ETV3: variants seen among roughly 807,000 people sequenced by gnomAD.
ETV3 encodes the protein ETS variant transcription factor 3.
ETV3 carries 8 observed loss-of-function variants against 33.0 expected under a neutral mutation model. The observed-to-expected ratio is 0.24, with a 90% CI of 0.14 to 0.44. The LOEUF (loss-of-function observed/expected upper bound fraction) is 0.44. Among genes scored for constraint, ETV3 ranks in the 20% least tolerant of loss-of-function variants. The probability of loss-of-function intolerance (pLI) is 1.00; values close to 1 mark genes in which losing one functional copy is unlikely to be tolerated. For synonymous variants in ETV3, 222 were observed against 238.9 expected (o/e 0.93, Z 0.65); for missense variants, 473 against 652.3 (o/e 0.73, Z 2.99).
At chr1:157,127,117 G>A (rs1351563505) in intron 4 of ETV3, among the ~76,000 whole-genome samples, 4 of 152,326 alleles carry the variant, frequency 2.6e-5, no homozygotes, top group East Asian at 1.9e-4. Context: ...CCGCTTCGCC[G>A]CATATAAAAA....
intron 4 of ETV3, among the ~76,000 whole-genome samples, chr1:157,129,915 C>T (rs1674929744): frequency 6.6e-6 from 1 of 152,062 alleles, no homozygotes; most frequent in Admixed American, 6.6e-5. Context: ...ACCATCTCAG[C>T]TCACTGCAAC....
At chr1:157,127,689 G>A (rs966332606) in intron 4 of ETV3, among the ~76,000 whole-genome samples, 1 of 152,086 alleles carries the variant, frequency 6.6e-6, no homozygotes, top group Non-Finnish European at 1.5e-5. Flanking sequence ...GGGATTACAG[G>A]TGTGTGCTAC....
At chr1:157,134,355 G>A (rs1675044131) in intron 3 of ETV3, 128 bp from the exon 4 acceptor site, 10 of 1,226,164 alleles carry the variant, frequency 8.2e-6, no homozygotes, top group Non-Finnish European at 9.9e-6. Context: ...CCAATCTTTC[G>A]CAGCCTGGCC....
Position 157,124,754 on chromosome 1 carries a change from T to TGGGGGGCC in ETV3, c.*86_*87insGGCCCCCC. 1 of 328,824 alleles carries TGGGGGGCC rather than the reference T, an allele frequency of 3.0e-6. No homozygotes were observed. The highest frequency in any genetic ancestry group is 5.9e-6 in the Non-Finnish European group (1 of 168,370). 20.4% of individuals were successfully genotyped at this position (328,824 alleles called of 1,614,324 possible). Reference sequence around the variant, plus strand: ...CCTAGAATGATCAAACCAGTTTAACTCCCTCCCCCCCACCCTGAAATCTTG... The same window carrying TGGGGGGCC: ...CCTAGAATGATCAAACCAGTTTAACTGGGGGGCCCCCTCCCCCCCACCCTGAAATCTTG... On this transcript the variant is annotated 3_prime_UTR_variant, in exon 5 of 5. Transcript: ENST00000368192.
intron 2 of ETV3, among the ~76,000 whole-genome samples, chr1:157,135,910 A>G (rs977638514): frequency 6.6e-6 from 1 of 152,186 alleles, no homozygotes; most frequent in African/African-American, 2.4e-5. Context: ...ATTAAATCTG[A>G]TAAGAGTTGG....
chr1:157,137,674 T>G (rs1352404402), intron 1 of ETV3, among the ~76,000 whole-genome samples: 1 of 151,890 alleles, frequency 6.6e-6, no homozygotes, highest in Non-Finnish European at 1.5e-5. Context: ...CCTGGACTCT[T>G]AACTCCTAGG....
chr1:157,138,126 G>A (rs562445753), intron 1 of ETV3, among the ~76,000 whole-genome samples, 190 bp downstream of exon 1: 1 of 152,276 alleles, frequency 6.6e-6, no homozygotes, highest in Admixed American at 6.5e-5. Context: ...CCGCATGAAC[G>A]CTGCCCTGGG....
chr1:157,136,482 A>C, intron 1 of ETV3, 117 bp from the exon 2 acceptor site: 1 of 878,196 alleles, frequency 1.1e-6, no homozygotes, highest in Admixed American at 2.7e-5. Context: ...TCCGTATGCA[A>C]CTCTCTTTCT....
chr1:157,133,946 T>C (rs936596015), intron 4 of ETV3, 166 bp downstream of exon 4: 1 of 1,441,740 alleles, frequency 6.9e-7, no homozygotes, highest in African/African-American at 1.4e-5. Context: ...CCTATAACTC[T>C]CCTTATAAGT....
chr1:157,133,648 TC>T (rs1476673608), intron 4 of ETV3: 1 of 988,378 alleles, frequency 1.0e-6, no homozygotes, highest in Non-Finnish European at 1.2e-6. Flanking sequence ...CATGTGAACC[TC>T]CCCCTTCTCT....
chr1:157,125,252 A>T lies in ETV3; in HGVS notation c.1128T>A (p.Ile376=), dbSNP rs1285246004. The T allele has an allele frequency of 1.3e-6, 2 of 1,551,786 alleles. No homozygotes were observed. Among genetic ancestry groups the T allele is most frequent in the Non-Finnish European group, 1.7e-6 (2 of 1,147,070 alleles). The change falls in exon 5 of 5, where the codon ATT becomes ATA. Residue 376 remains isoleucine, a synonymous_variant. Coordinates refer to ENST00000368192, the MANE Select transcript of ETV3 (RefSeq NM_001145312.3). The surrounding 1 kb of genome is among the most constrained non-coding windows in gnomAD (Gnocchi z 4.0). ...CAGGTTCCACCTTGATTCTTGGGGG[A>T]ATAGAAGCCATGGTGGGCGTGGTGA... is the stretch of plus-strand genomic sequence containing the variant. ...APVTTPTMAS[I]PPRIKVEPAS...
At position 157,124,545 on chromosome 1, in the gene ETV3, C is replaced by T. The variant is rs1674779050; in HGVS notation, c.*296G>A. 1 of 260,494 alleles carries T rather than the reference C, an allele frequency of 3.8e-6. No individual in the cohort carries two copies. Among genetic ancestry groups the T allele is most frequent in the Admixed American group, 4.9e-5 (1 of 20,396 alleles). The allele number at this position is 260,494 out of a possible 1,614,324, so 16.1% of individuals were successfully genotyped here. ...CATGGGACCAAAAAGTATCTTGGCC[C>T]TTTGGGAGTTTCCTTGTCAGAAAGT... On this transcript the variant is annotated 3_prime_UTR_variant, in exon 5 of 5. Coordinates refer to ENST00000368192, the MANE Select transcript of ETV3 (RefSeq NM_001145312.3).
Position 157,125,260 on chromosome 1 carries a change from C to T in ETV3, c.1120G>A (p.Ala374Thr), listed in dbSNP as rs1243063621. Residue 374 changes from alanine (A) to threonine (T), a missense_variant, in exon 5 of 5, where the codon GCT becomes ACT. Around this residue, in one of 3 missense-constraint regions of ETV3, gnomAD observed 410 missense variants for 520.2 expected, o/e 0.79. Transcript: ENST00000368192. The surrounding 1 kb of genome is among the most constrained non-coding windows in gnomAD (Gnocchi z 4.0). ...ESAPVTTPTM[A>T]SIPPRIKVEP... ...ACCTTGATTCTTGGGGGAATAGAAGCCATGGTGGGCGTGGTGACTGGTGCT... is the reference window on the plus strand; with the variant it reads ...ACCTTGATTCTTGGGGGAATAGAAGTCATGGTGGGCGTGGTGACTGGTGCT... The T allele has an allele frequency of 2.6e-6, 4 of 1,552,030 alleles. No homozygotes were observed. Among genetic ancestry groups the T allele is most frequent in the Admixed American group, 2.0e-5 (1 of 50,992 alleles).
chr1:157,127,089 G>T (rs192822345), intron 4 of ETV3, among the ~76,000 whole-genome samples: 5 of 152,236 alleles, frequency 3.3e-5, no homozygotes, highest in Non-Finnish European at 7.3e-5. Context: ...TTGGGCCAAG[G>T]CCCCATTCCT....
chr1:157,134,346 C>A, intron 3 of ETV3, 119 bp from the exon 4 acceptor site: 1 of 1,299,892 alleles, frequency 7.7e-7, no homozygotes, highest in Non-Finnish European at 1.0e-6. Context: ...AAATCACTAC[C>A]AATCTTTCGC....
At chr1:157,133,441 CACA>C (rs965792967) in intron 4 of ETV3, 1 of 985,558 alleles carries the variant, frequency 1.0e-6, no homozygotes, top group African/African-American at 1.7e-5. Flanking sequence ...CAAAAAACCA[CACA>C]ACAACAAAGT....
chr1:157,135,854 A>G (rs1214012545), intron 2 of ETV3, 146 bp from the exon 3 acceptor site: 2 of 776,014 alleles, frequency 2.6e-6, no homozygotes, highest in Admixed American at 2.6e-5. Flanking sequence ...CCTAACCACA[A>G]TGGGGAGAGG....
At chr1:157,130,950 C>T (rs1440406708) in intron 4 of ETV3, among the ~76,000 whole-genome samples, 4 of 152,118 alleles carry the variant, frequency 2.6e-5, no homozygotes, top group Non-Finnish European at 5.9e-5. Flanking sequence ...CTGGGAAATA[C>T]AAGCTGAAGT....
chr1:157,137,507 AAAAC>A (rs951208861), intron 1 of ETV3, among the ~76,000 whole-genome samples: 23 of 107,594 alleles, frequency 2.1e-4, no homozygotes, highest in African/African-American at 6.7e-4. Context: ...CAGACAAGGA[AAAAC>A]ACACACACAC....
Sources: gnomAD v4.1 joint callset for allele counts (sites outside exome capture counted in the v4.1 genomes callset) on GRCh38, gnomAD v4.1.1 for gene constraint, gnomAD v4.1.1 regional missense constraint, Gnocchi (gnomAD v3.1) non-coding constraint, MANE v1.5 for transcripts, NCBI Gene and HGNC (gene_info 2026-07-23, HGNC 2026-07-21) for gene names.